MYLK: variants seen among roughly 807,000 people sequenced by gnomAD.
MYLK encodes the protein myosin light chain kinase, smooth muscle.
MYLK carries 106 observed loss-of-function variants against 203.4 expected under a neutral mutation model. That is an observed-to-expected ratio of 0.52 (90% CI 0.45 to 0.61). MYLK has a LOEUF of 0.61. Among genes scored for constraint, MYLK ranks in the 20% least tolerant of loss-of-function variants. MYLK has a pLI of 0.00. For synonymous variants in MYLK, 867 were observed against 959.5 expected (o/e 0.90, Z 1.78); for missense variants, 2,072 against 2,442.3 (o/e 0.85, Z 3.20).
intron 3 of MYLK, among the ~76,000 whole-genome samples, chr3:123,821,821 G>A (rs1389221452): frequency 6.6e-6 from 1 of 152,166 alleles, no homozygotes; most frequent in Non-Finnish European, 1.5e-5. Context: ...TACCTATATA[G>A]ATTAACTTCC....
intron 4 of MYLK, among the ~76,000 whole-genome samples, chr3:123,790,079 T>C (rs2064714737): frequency 6.6e-6 from 1 of 152,180 alleles, no homozygotes; most frequent in Non-Finnish European, 1.5e-5. Context: ...TAGCTGCTGG[T>C]TCTTTTCACT....
At position 123,700,502 on chromosome 3, in the gene MYLK, T is replaced by C; in HGVS notation, c.2966A>G (p.Lys989Arg). The C allele has an allele frequency of 6.2e-7, 1 of 1,609,066 alleles. No individual in the cohort carries two copies. Among genetic ancestry groups the C allele is most frequent in the East Asian group, 2.2e-5 (1 of 44,722 alleles). ...PDFRSVLGGK[K>R]KLPAENGSSS... ...GCTGCCATTCTCTGCTGGTAATTTC[T>C]TCTTGCCACCCAGCACTGAGCGAAA... The change falls in exon 18 of 34, where the codon AAG becomes AGG. Residue 989 changes from lysine (K) to arginine (R), a missense_variant. Lys to Arg is a conservative substitution (Grantham distance 26). Coordinates refer to ENST00000360304, the MANE Select transcript of MYLK (RefSeq NM_053025.4).
At chr3:123,836,039 A>T (rs2066468237) in intron 2 of MYLK, 1 of 152,220 alleles carries the variant, frequency 6.6e-6, no homozygotes, top group African/African-American at 2.4e-5. Context: ...ATTTTTACAC[A>T]GTTGTCCACA....
At chr3:123,664,005 A>G in intron 23 of MYLK, 100 bp downstream of exon 23, 2 of 1,521,714 alleles carry the variant, frequency 1.3e-6, no homozygotes, top group Non-Finnish European at 1.8e-6. Flanking sequence ...GAGTGGTGAG[A>G]GATAATGGGT....
intron 3 of MYLK, among the ~76,000 whole-genome samples, chr3:123,814,794 T>C (rs2065687903): frequency 6.6e-6 from 1 of 152,254 alleles, no homozygotes; most frequent in Admixed American, 6.5e-5. Flanking sequence ...CTTTCTTTCT[T>C]TCTTTCTTTC....
At chr3:123,787,233 T>G (rs1324736568) in intron 4 of MYLK, among the ~76,000 whole-genome samples, 3 of 152,164 alleles carry the variant, frequency 2.0e-5, no homozygotes, top group Non-Finnish European at 2.9e-5. Context: ...AGGTAGAATT[T>G]AAATCAGATC....
intron 20 of MYLK, among the ~76,000 whole-genome samples, chr3:123,679,090 C>T (rs1162712363): frequency 6.6e-6 from 1 of 152,054 alleles, no homozygotes; most frequent in Non-Finnish European, 1.5e-5. Context: ...GGGCGGATCA[C>T]GAGGTCAAGA....
chr3:123,753,804 G>C (rs1217533948), intron 4 of MYLK, among the ~76,000 whole-genome samples: 1 of 152,164 alleles, frequency 6.6e-6, no homozygotes, highest in East Asian at 1.9e-4. Context: ...CATCATAGGA[G>C]CTTCCTGAGA....
chr3:123,882,107 G>A (rs1352160068), intron 1 of MYLK, among the ~76,000 whole-genome samples: 1 of 152,220 alleles, frequency 6.6e-6, no homozygotes, highest in East Asian at 1.9e-4. Context: ...TGATGAAGGG[G>A]TGAGCAAACC....
At chr3:123,687,769 T>C (rs1330410582) in intron 19 of MYLK, among the ~76,000 whole-genome samples, 1 of 152,038 alleles carries the variant, frequency 6.6e-6, no homozygotes, top group Non-Finnish European at 1.5e-5. Context: ...CCTCCCATGC[T>C]CAAGCTGTCC....
At chr3:123,689,510 T>C (rs1352083198) in intron 19 of MYLK, 2 of 152,108 alleles carry the variant, frequency 1.3e-5, no homozygotes, top group African/African-American at 4.8e-5. Context: ...GGATATTTCA[T>C]GTTGTAATTC....
Position 123,649,032 on chromosome 3 carries a change from C to T in MYLK, c.4354G>A (p.Val1452Met). 1 of 1,614,230 alleles carries T rather than the reference C, an allele frequency of 6.2e-7. No homozygotes were observed. The highest frequency in any genetic ancestry group is 8.5e-7 in the Non-Finnish European group (1 of 1,180,040). ...ACTTTTTGTTCAGTATTGATTGTCA[C>T]TGTCCGGTAATCAACCTCGGGCTCC... Reference protein sequence around the residue: ...EKEPEVDYRTVTINTEQKVSD... With the variant: ...EKEPEVDYRTMTINTEQKVSD... Residue 1452 changes from valine (V) to methionine (M), a missense_variant, in exon 26 of 34, where the codon GTG (valine) becomes ATG (methionine). Around this residue, in one of 3 missense-constraint regions of MYLK, gnomAD observed 524 missense variants for 782.4 expected, o/e 0.67. Coordinates refer to ENST00000360304, the MANE Select transcript of MYLK (RefSeq NM_053025.4).
chr3:123,661,892 G>A (rs1442562535), intron 23 of MYLK, among the ~76,000 whole-genome samples: 2 of 152,190 alleles, frequency 1.3e-5, no homozygotes, highest in African/African-American at 2.4e-5. Context: ...CCAGGGTGTG[G>A]AACCTGTGGT....
intron 4 of MYLK, among the ~76,000 whole-genome samples, chr3:123,772,510 A>G (rs113702628): frequency 6.6e-6 from 1 of 152,120 alleles, no homozygotes; most frequent in Non-Finnish European, 1.5e-5. Context: ...ATAATCTTAG[A>G]GATTCCAGGC....
intron 23 of MYLK, among the ~76,000 whole-genome samples, chr3:123,662,887 C>T (rs1400801388): frequency 6.6e-6 from 1 of 152,166 alleles, no homozygotes; most frequent in Admixed American, 6.5e-5. Flanking sequence ...GCTGGGGGTG[C>T]TGTACCCTTT....
chr3:123,743,208 G>A (rs1194636802), intron 5 of MYLK, among the ~76,000 whole-genome samples: 2 of 152,062 alleles, frequency 1.3e-5, no homozygotes, highest in Non-Finnish European at 2.9e-5. Flanking sequence ...TAATCCAAAA[G>A]GCTTAAATTC....
intron 3 of MYLK, among the ~76,000 whole-genome samples, chr3:123,821,679 G>A (rs1577067352): frequency 6.6e-6 from 1 of 152,264 alleles, no homozygotes; most frequent in East Asian, 1.9e-4. Context: ...GTTCACAAGT[G>A]CCCCAACCAG....
rs41366751 is a variant in MYLK at position 123,649,037 on chromosome 3, C to A, written c.4349G>T (p.Arg1450Leu). ...DDEKEPEVDY[R>L]TVTINTEQKV... ...TTGTTCAGTATTGATTGTCACTGTC[C>A]GGTAATCAACCTCGGGCTCCTTCTC... Residue 1450 changes from arginine (R) to leucine (L), a missense_variant, in exon 26 of 34, where the codon CGG becomes CTG. Physicochemically the swap from Arg to Leu is moderately radical, Grantham distance 102. Coordinates refer to ENST00000360304, the MANE Select transcript of MYLK (RefSeq NM_053025.4). 6.2e-7 allele frequency: 1 copy of A among 1,614,162 alleles called. No homozygotes were observed. Among genetic ancestry groups the A allele is most frequent in the South Asian group, 1.1e-5 (1 of 91,082 alleles).
At chr3:123,794,832 T>C (rs1463633911) in intron 3 of MYLK, among the ~76,000 whole-genome samples, 2 of 152,244 alleles carry the variant, frequency 1.3e-5, no homozygotes, top group Non-Finnish European at 2.9e-5. Flanking sequence ...TTATTGAGAA[T>C]ACATTCTGTT....
Sources: gnomAD v4.1 joint callset for allele counts (sites outside exome capture counted in the v4.1 genomes callset) on GRCh38, gnomAD v4.1.1 for gene constraint, gnomAD v4.1.1 regional missense constraint, MANE v1.5 for transcripts, NCBI Gene and HGNC (gene_info 2026-07-23, HGNC 2026-07-21) for gene names.